The following PRKDC variants were observed in gnomAD, a reference collection of about 807,000 sequenced individuals.
PRKDC encodes protein kinase, DNA-activated, catalytic subunit, also known as DNA-dependent protein kinase catalytic subunit.
Under a neutral mutation model 486.9 loss-of-function variants are expected in PRKDC, and 82 were observed. The ratio of observed to expected loss-of-function variants is 0.17; its 90% confidence interval spans 0.14 to 0.20. The LOEUF (loss-of-function observed/expected upper bound fraction) is 0.20, where lower values mean the gene tolerates loss of function less well. PRKDC is among the 10% of genes least tolerant of loss of function. PRKDC has a pLI of 1.00. For synonymous variants in PRKDC, 1,895 were observed against 1,837.0 expected, an observed-to-expected ratio of 1.03 and a Z score of -0.81; for missense variants, 4,504 against 5,038.2, an observed-to-expected ratio of 0.89 and a Z score of 3.21.
rs1206401203 is a variant in PRKDC at position 47,794,474 on chromosome 8, T to C, written c.10486A>G (p.Ile3496Val). The C allele has an allele frequency of 1.2e-6, 2 of 1,612,794 alleles. No homozygotes were observed. The highest frequency in any genetic ancestry group is 1.7e-6 in the Non-Finnish European group (2 of 1,178,814). The change falls in exon 74 of 86, where the codon ATC becomes GTC. Residue 3496 changes from isoleucine to valine, a missense_variant. This residue lies in a region of PRKDC where 706 missense variants were observed against 945.0 expected (regional missense o/e 0.75). Coordinates refer to ENST00000314191, the MANE Select transcript of PRKDC (RefSeq NM_006904.7). ...GCCACCATGTGGCTGATCCAGCTGA[T>C]GAACTGCCAGCAGGGAACGGAAGAG... Reference protein sequence around the residue: ...EISSVPCWQFISWISHMVALL... With the variant: ...EISSVPCWQFVSWISHMVALL...
rs2154497785 is a variant in PRKDC, at chr8:47,789,258, A to G, written c.10671-20T>C. The G allele has an allele frequency of 6.9e-7, 1 of 1,451,768 alleles. No homozygotes were observed. Among genetic ancestry groups the G allele is most frequent in the Non-Finnish European group, 9.3e-7 (1 of 1,074,510 alleles). 89.9% of individuals were successfully genotyped at this position (1,451,768 alleles called of 1,614,324 possible). ...TTAATCCTATTTAAAAAAATTTACA[A>G]AGTTTAGGCAATCAAATATCTTCCA... is the stretch of plus-strand genomic sequence containing the variant. On this transcript the variant is annotated intron_variant, in intron 74 of 85. Transcript: ENST00000314191.
chr8:47,832,753 G>A (rs1334732252), intron 59 of PRKDC, among the ~76,000 whole-genome samples: 1 of 152,188 alleles, frequency 6.6e-6, no homozygotes, highest in Non-Finnish European at 1.5e-5. Flanking sequence ...CACCTGTGAT[G>A]ATGCTCCAGA....
chr8:47,807,034 C>A, intron 69 of PRKDC, 103 bp downstream of exon 69: 1 of 1,164,560 alleles, frequency 8.6e-7, no homozygotes, highest in Non-Finnish European at 1.2e-6. Context: ...TAACACCTAC[C>A]AATTATTTTA....
intron 31 of PRKDC, among the ~76,000 whole-genome samples, chr8:47,892,856 GTTTTT>G (rs936175029): frequency 6.6e-6 from 1 of 151,836 alleles, no homozygotes; most frequent in African/African-American, 2.4e-5. Flanking sequence ...CATGGAATAC[GTTTTT>G]TTTAAGTAAT....
At chr8:47,886,284 C>T in intron 35 of PRKDC, 137 bp from the exon 36 acceptor site, 1 of 610,422 alleles carries the variant, frequency 1.6e-6, no homozygotes, top group Non-Finnish European at 2.6e-6. Flanking sequence ...AGCCTGGATT[C>T]AAGCTGAAAT....
intron 42 of PRKDC, 48 bp from the exon 43 acceptor site, chr8:47,862,589 A>T: frequency 6.6e-7 from 1 of 1,521,168 alleles, no homozygotes; most frequent in Non-Finnish European, 8.9e-7. Flanking sequence ...CATGGCAATC[A>T]CTGCTCAAGC....
At chr8:47,901,614 G>GCCT (rs2089684197) in intron 27 of PRKDC, among the ~76,000 whole-genome samples, 1 of 152,218 alleles carries the variant, frequency 6.6e-6, no homozygotes, top group Non-Finnish European at 1.5e-5. Context: ...CCACACAAGT[G>GCCT]CCTCTGTCCC....
At chr8:47,817,703 T>C (rs1411370860) in intron 67 of PRKDC, 142 bp from the exon 68 acceptor site, 1 of 562,996 alleles carries the variant, frequency 1.8e-6, no homozygotes, top group East Asian at 2.8e-5. Flanking sequence ...GAACACAAAG[T>C]TACCATACTA....
At chr8:47,952,927 G>A (rs1227921100) in intron 7 of PRKDC, among the ~76,000 whole-genome samples, 1 of 151,380 alleles carries the variant, frequency 6.6e-6, no homozygotes, top group Non-Finnish European at 1.5e-5. Flanking sequence ...ATCATTTGAG[G>A]TCAGGAGTTC....
In PRKDC at chr8:47,900,369, G is replaced by C; in HGVS notation, c.3364+4C>G. On this transcript the variant is annotated splice_donor_region_variant and intron_variant, in intron 28 of 85. Coordinates refer to ENST00000314191, the MANE Select transcript of PRKDC (RefSeq NM_006904.7). ...CGCACACAGAACACTGAAGCAAAAC[G>C]TACCTAAGGACTTCTCATCTGCATG... 1.3e-6 allele frequency: 2 copies of C among 1,599,654 alleles called. No individual in the cohort carries two copies. The highest frequency in any genetic ancestry group is 1.7e-6 in the Non-Finnish European group (2 of 1,173,714).
At chr8:47,958,225 G>T (rs1010150632) in intron 1 of PRKDC, among the ~76,000 whole-genome samples, 3 of 152,170 alleles carry the variant, frequency 2.0e-5, no homozygotes, top group Non-Finnish European at 4.4e-5. Context: ...TGAAGACCAA[G>T]GGAAGGGAGC....
chr8:47,907,899 G>A (rs1012933238), intron 25 of PRKDC, among the ~76,000 whole-genome samples: 3 of 152,088 alleles, frequency 2.0e-5, no homozygotes, highest in East Asian at 1.9e-4. Flanking sequence ...TACTTTCCAC[G>A]TAAACATATG....
intron 80 of PRKDC, among the ~76,000 whole-genome samples, chr8:47,779,650 T>C (rs972677021): frequency 1.3e-5 from 2 of 152,190 alleles, no homozygotes; most frequent in African/African-American, 4.8e-5. Context: ...AGTGCAGTGG[T>C]GCGATCTTGG....
At chr8:47,940,235 C>CA (rs1368254032) in intron 10 of PRKDC, among the ~76,000 whole-genome samples, 1 of 152,170 alleles carries the variant, frequency 6.6e-6, no homozygotes, top group Non-Finnish European at 1.5e-5. Flanking sequence ...AAATAAGCTA[C>CA]AAACTATAAA....
At chr8:47,806,217 A>T (rs2087213289) in intron 69 of PRKDC, among the ~76,000 whole-genome samples, 1 of 151,726 alleles carries the variant, frequency 6.6e-6, no homozygotes, top group Admixed American at 6.6e-5. Context: ...TGCAGCCCCC[A>T]CTCTTACTAG....
chr8:47,809,549 T>C (rs892528250), intron 68 of PRKDC, among the ~76,000 whole-genome samples: 8 of 152,106 alleles, frequency 5.3e-5, no homozygotes, highest in African/African-American at 1.7e-4. Flanking sequence ...GGAGTGGAGT[T>C]GACAAGGGAG....
chr8:47,955,998 T>TA, intron 3 of PRKDC, 50 bp from the exon 4 acceptor site: 2 of 1,340,414 alleles, frequency 1.5e-6, no homozygotes, highest in South Asian at 2.7e-5. Context: ...ATATAAAAAC[T>TA]AAGACTCAGC....
intron 63 of PRKDC, among the ~76,000 whole-genome samples, chr8:47,824,570 T>C (rs2087688765): frequency 6.6e-6 from 1 of 151,904 alleles, no homozygotes; most frequent in African/African-American, 2.4e-5. Context: ...ATTAATCCAT[T>C]ATAATATCTA....
intron 11 of PRKDC, 132 bp from the exon 12 acceptor site, chr8:47,936,649 C>T (rs761546614): frequency 2.5e-5 from 26 of 1,036,608 alleles, no homozygotes; most frequent in East Asian, 1.3e-4. Context: ...GACGAAGTTT[C>T]GCTCTTGTCC....
Sources: gnomAD v4.1 joint callset for allele counts (sites outside exome capture counted in the v4.1 genomes callset) on GRCh38, gnomAD v4.1.1 for gene constraint, gnomAD v4.1.1 regional missense constraint, MANE v1.5 for transcripts, NCBI Gene and HGNC (gene_info 2026-07-23, HGNC 2026-07-21) for gene names.